HS3ST3B1: variants seen among roughly 807,000 people sequenced by gnomAD.
The protein encoded by HS3ST3B1 is heparan sulfate-glucosamine 3-sulfotransferase 3B1, also known as heparan sulfate glucosamine 3-O-sulfotransferase 3B1.
In HS3ST3B1, 13 loss-of-function variants were observed where a neutral mutation model predicts 21.3. The observed-to-expected ratio is 0.61, with a 90% CI of 0.40 to 0.97. The LOEUF (loss-of-function observed/expected upper bound fraction) is 0.97. Among genes scored for constraint, HS3ST3B1 ranks in the 50% least tolerant of loss-of-function variants. The pLI, the probability that HS3ST3B1 is intolerant of heterozygous loss-of-function variation, is 0.00. For missense variants in HS3ST3B1, 459 were observed against 554.8 expected (o/e 0.83, Z 1.73); for synonymous variants, 234 against 254.8 (o/e 0.92, Z 0.78).
intron 1 of HS3ST3B1, 115 bp downstream of exon 1, chr17:14,302,187 G>A: frequency 7.8e-7 from 1 of 1,281,240 alleles, no homozygotes; most frequent in Non-Finnish European, 1.1e-6. Flanking sequence ...ACCCGGGGTA[G>A]GGCAGGGAAA....
intron 1 of HS3ST3B1, among the ~76,000 whole-genome samples, chr17:14,309,023 A>G (rs1474813728): frequency 6.6e-6 from 1 of 152,142 alleles, no homozygotes; most frequent in South Asian, 2.1e-4. Flanking sequence ...CTGGGGGGAG[A>G]GCCGCCCCCC....
At position 14,346,555 on chromosome 17, in the gene HS3ST3B1, A is replaced by T. The variant is rs1192568290; in HGVS notation, c.*909A>T. 2 of 152,238 alleles carry T rather than the reference A, an allele frequency of 1.3e-5. No homozygotes were observed. The highest frequency in any genetic ancestry group is 4.8e-5 in the African/African-American group (2 of 41,420). The allele number at this position is 152,238 out of a possible 1,614,324, so 9.4% of individuals were successfully genotyped here. On this transcript the variant is annotated 3_prime_UTR_variant, in exon 2 of 2. Coordinates refer to ENST00000360954, the MANE Select transcript of HS3ST3B1 (RefSeq NM_006041.3). ...GTGAGCCACTGCGCCCGCTATCCAC[A>T]TCCTTCTAGAGTCAGAATGGTAGGG...
chr17:14,308,350 A>G (rs544282278), intron 1 of HS3ST3B1, among the ~76,000 whole-genome samples: 84 of 152,392 alleles, frequency 5.5e-4, no homozygotes, highest in African/African-American at 1.9e-3. Flanking sequence ...TTGTACATAG[A>G]TAAAAGTGGT....
intron 1 of HS3ST3B1, among the ~76,000 whole-genome samples, chr17:14,302,388 G>A (rs1334354378): frequency 6.6e-6 from 1 of 152,202 alleles, no homozygotes; most frequent in Non-Finnish European, 1.5e-5. Context: ...CTAACCATGG[G>A]GGTATCCGAC....
intron 1 of HS3ST3B1, among the ~76,000 whole-genome samples, chr17:14,323,828 T>C (rs899087651): frequency 6.6e-6 from 1 of 152,192 alleles, no homozygotes; most frequent in Non-Finnish European, 1.5e-5. Context: ...AACGTGCTAA[T>C]GGGGCAATAG....
chr17:14,314,248 G>A (rs533935177), intron 1 of HS3ST3B1, among the ~76,000 whole-genome samples: 1 of 152,298 alleles, frequency 6.6e-6, no homozygotes, highest in South Asian at 2.1e-4. Context: ...CGAAATGCTG[G>A]GATTACAGGC....
chr17:14,301,477 C>CA lies in HS3ST3B1; in HGVS notation c.-41dup, dbSNP rs1434358541. 2.2e-5 allele frequency: 31 copies of CA among 1,416,968 alleles called. No homozygotes were observed. Among genetic ancestry groups the CA allele is most frequent in the Non-Finnish European group, 3.7e-6 (4 of 1,090,216 alleles). The allele number at this position is 1,416,968 out of a possible 1,614,324, so 87.8% of individuals were successfully genotyped here. A position where few individuals can be genotyped will look rare whatever the true frequency, so the allele number is the denominator to read the frequency against. On this transcript the variant is annotated 5_prime_UTR_variant, in exon 1 of 2. In the 5' UTR this introduces an upstream ATG that the reference lacks. Coordinates refer to ENST00000360954, the MANE Select transcript of HS3ST3B1 (RefSeq NM_006041.3). The stretch of plus-strand genomic sequence containing the variant: ...GCTCACTGCCCGGCGGGACCCACGC[C>CA]ATGTGCTGAGCCATGTCCCTGGCCG...
rs1242223511 is a variant in HS3ST3B1 at position 14,322,275 on chromosome 17, T to C, written c.554+20203T>C. Among the ~76,000 whole-genome samples the C allele has an allele frequency of 2.6e-5, 4 of 152,242 alleles. No homozygotes were observed. The East Asian group carries it at 7.7e-4, about 29-fold the overall frequency. ...ATTTTGAGTCCCTGCTTTGTTACAT[T>C]GCCCAGTATTTGATCTGGGGCCACT... On this transcript the variant is annotated intron_variant, in intron 1 of 1. Coordinates refer to ENST00000360954, the MANE Select transcript of HS3ST3B1 (RefSeq NM_006041.3).
At chr17:14,311,839 G>A (rs1217254403) in intron 1 of HS3ST3B1, among the ~76,000 whole-genome samples, 1 of 152,162 alleles carries the variant, frequency 6.6e-6, no homozygotes, top group Middle Eastern at 3.4e-3. Flanking sequence ...TCTCTGCAGG[G>A]CCTCCTCTTC....
intron 1 of HS3ST3B1, among the ~76,000 whole-genome samples, chr17:14,306,467 C>G (rs1909142992): frequency 6.6e-6 from 1 of 152,216 alleles, no homozygotes; most frequent in Non-Finnish European, 1.5e-5. Flanking sequence ...GCCCCCAAAT[C>G]AAGTTCATAA....
intron 1 of HS3ST3B1, among the ~76,000 whole-genome samples, chr17:14,343,295 C>A (rs949456655): frequency 1.3e-5 from 2 of 151,912 alleles, no homozygotes; most frequent in Non-Finnish European, 1.5e-5. Context: ...TTAACATATC[C>A]ATCACCTCAC....
chr17:14,310,050 G>T (rs929467122), intron 1 of HS3ST3B1, among the ~76,000 whole-genome samples: 12 of 152,216 alleles, frequency 7.9e-5, no homozygotes, highest in African/African-American at 2.9e-4. Context: ...TATAATGGGT[G>T]CCTGTAAGGC....
At chr17:14,322,449 A>T (rs780500893) in intron 1 of HS3ST3B1, among the ~76,000 whole-genome samples, 1 of 152,168 alleles carries the variant, frequency 6.6e-6, no homozygotes, top group Non-Finnish European at 1.5e-5. Context: ...TGACATCATG[A>T]TGGCCAAGGC....
At chr17:14,321,700 G>A (rs543786611) in intron 1 of HS3ST3B1, among the ~76,000 whole-genome samples, 11 of 60,804 alleles carry the variant, frequency 1.8e-4, no homozygotes, top group East Asian at 3.0e-4. Flanking sequence ...CACTGATGGC[G>A]GTTGAAAAAA....
intron 1 of HS3ST3B1, among the ~76,000 whole-genome samples, chr17:14,334,240 CTT>C (rs1335667713): frequency 7.3e-5 from 11 of 150,144 alleles, no homozygotes; most frequent in Non-Finnish European, 1.0e-4. Context: ...GGAGAAGAAT[CTT>C]TGCTAGATTC....
intron 1 of HS3ST3B1, among the ~76,000 whole-genome samples, chr17:14,317,847 T>C (rs1909545819): frequency 6.6e-6 from 1 of 152,176 alleles, no homozygotes; most frequent in South Asian, 2.1e-4. Context: ...ATATGAGTTG[T>C]GAATTCAAAT....
At position 14,325,729 on chromosome 17, in the gene HS3ST3B1, T is replaced by C. The variant is rs377466676; in HGVS notation, c.555-19299T>C. On this transcript the variant is annotated intron_variant, in intron 1 of 1. Coordinates refer to ENST00000360954, the MANE Select transcript of HS3ST3B1 (RefSeq NM_006041.3). The stretch of plus-strand genomic sequence containing the variant: ...GGTCTTAGTAGGCTCGCGGAGTTTA[T>C]AATCAGCTCAAAGCCTAAGCCTGTT... Among the ~76,000 whole-genome samples, 24 of 152,306 alleles carry C rather than the reference T, an allele frequency of 1.6e-4. 1 individual carries two copies. The highest frequency in any genetic ancestry group is 5.3e-4 in the African/African-American group (22 of 41,566).
In HS3ST3B1 at chr17:14,345,365, G is replaced by GA; in HGVS notation, c.893dup (p.Arg299AlafsTer61). Reference sequence around the variant, plus strand: ...CCGCCAGATGCTCTTCGTGAGCGGCGAGCGGCTCATCAGCGACCCGGCCGG... The same window carrying GA: ...CCGCCAGATGCTCTTCGTGAGCGGCGAAGCGGCTCATCAGCGACCCGGCCGG... On this transcript the variant is annotated frameshift_variant, in exon 2 of 2. Coordinates refer to ENST00000360954, the MANE Select transcript of HS3ST3B1 (RefSeq NM_006041.3). LOFTEE classifies it high-confidence loss of function. 9.0e-7 allele frequency: 1 copy of GA among 1,113,054 alleles called. No individual in the cohort carries two copies. Among genetic ancestry groups the GA allele is most frequent in the Non-Finnish European group, 1.3e-6 (1 of 774,796 alleles). The allele number at this position is 1,113,054 out of a possible 1,614,324, so 68.9% of individuals were successfully genotyped here.
chr17:14,302,879 G>A (rs1014118734), intron 1 of HS3ST3B1, among the ~76,000 whole-genome samples: 3 of 152,230 alleles, frequency 2.0e-5, no homozygotes, highest in African/African-American at 7.2e-5. Context: ...TCTCCGCGGG[G>A]CTTTTACACG....
Sources: allele counts gnomAD v4.1 joint callset (sites outside exome capture counted in the v4.1 genomes callset), GRCh38; gene constraint gnomAD v4.1.1; transcripts MANE v1.5; gene names NCBI Gene and HGNC (gene_info 2026-07-23, HGNC 2026-07-21).